The following MECOM variants were observed in gnomAD, a reference collection of about 807,000 sequenced individuals.
The protein encoded by MECOM is histone-lysine N-methyltransferase MECOM.
In MECOM, 13 loss-of-function variants were observed where a neutral mutation model predicts 116.3. The observed-to-expected ratio is 0.11, with a 90% CI of 0.07 to 0.18. The LOEUF (loss-of-function observed/expected upper bound fraction) is 0.18. Ranked by LOEUF, MECOM falls within the 10% of genes least tolerant of loss-of-function variation. The probability of loss-of-function intolerance (pLI) is 1.00; values close to 1 mark genes in which losing one functional copy is unlikely to be tolerated. For synonymous variants in MECOM, 528 were observed against 535.2 expected (o/e 0.99, Z 0.19); for missense variants, 1,299 against 1,509.0 (o/e 0.86, Z 2.31).
intron 2 of MECOM, among the ~76,000 whole-genome samples, chr3:169,335,796 T>A (rs1233735072): frequency 2.0e-5 from 3 of 152,152 alleles, no homozygotes; most frequent in Non-Finnish European, 4.4e-5. Flanking sequence ...TAATTCATGC[T>A]TGCATTTGAT....
chr3:169,112,614 A>G (rs541756069), intron 9 of MECOM, among the ~76,000 whole-genome samples, 173 bp downstream of exon 9: 7 of 152,248 alleles, frequency 4.6e-5, no homozygotes, highest in African/African-American at 1.7e-4. Context: ...TATATTAACT[A>G]ATTTTTCTTT....
chr3:169,267,029 G>A (rs1407708973), intron 2 of MECOM, among the ~76,000 whole-genome samples: 1 of 152,198 alleles, frequency 6.6e-6, no homozygotes, highest in Non-Finnish European at 1.5e-5. Flanking sequence ...CCCCTCAAAG[G>A]GGACTGACTT....
chr3:169,497,806 TTTG>T, intron 1 of MECOM, among the ~76,000 whole-genome samples: 1 of 152,332 alleles, frequency 6.6e-6, no homozygotes, highest in South Asian at 2.1e-4. Context: ...AGTCAATGTG[TTTG>T]TTGAGTGAAT....
chr3:169,186,969 G>A (rs1746864944), intron 2 of MECOM, among the ~76,000 whole-genome samples: 1 of 152,140 alleles, frequency 6.6e-6, no homozygotes. Context: ...GTGCAGTGAT[G>A]ATCAATATTC....
intron 1 of MECOM, among the ~76,000 whole-genome samples, chr3:169,457,897 G>T (rs1274865558): frequency 1.3e-5 from 2 of 152,204 alleles, no homozygotes; most frequent in Non-Finnish European, 2.9e-5. Flanking sequence ...AGGTTTTCAG[G>T]TGTTCCTTTT....
At chr3:169,529,700 T>G (rs555476099) in intron 1 of MECOM, among the ~76,000 whole-genome samples, 18 of 152,302 alleles carry the variant, frequency 1.2e-4, no homozygotes, top group Middle Eastern at 3.4e-3. Flanking sequence ...TCTTTGTTCG[T>G]TTGTTTTAGT....
intron 3 of MECOM, among the ~76,000 whole-genome samples, chr3:169,141,660 T>A (rs558211983): frequency 6.6e-6 from 1 of 152,172 alleles, no homozygotes; most frequent in African/African-American, 2.4e-5. Flanking sequence ...TTATAATATA[T>A]GCATACACTA....
chr3:169,439,049 C>T (rs369204342), intron 1 of MECOM, among the ~76,000 whole-genome samples: 4 of 150,426 alleles, frequency 2.7e-5, no homozygotes, highest in South Asian at 2.1e-4. Context: ...AAAGAAAAGA[C>T]AAGCTAGGAA....
intron 1 of MECOM, among the ~76,000 whole-genome samples, chr3:169,593,403 T>C (rs539413892): frequency 3.8e-4 from 58 of 152,346 alleles, no homozygotes; most frequent in African/African-American, 1.4e-3. Context: ...AGAACGCTGA[T>C]GGAGAAAATT....
chr3:169,651,256 A>G (rs1252559038), intron 1 of MECOM, among the ~76,000 whole-genome samples: 1 of 152,228 alleles, frequency 6.6e-6, no homozygotes, highest in Non-Finnish European at 1.5e-5. Flanking sequence ...CCTTTTCTGC[A>G]TCTATTGAGA....
chr3:169,516,278 A>G (rs1388025710), intron 1 of MECOM, among the ~76,000 whole-genome samples: 1 of 152,226 alleles, frequency 6.6e-6, no homozygotes, highest in African/African-American at 2.4e-5. Context: ...CCACTATTTG[A>G]TAGAAAATAC....
intron 2 of MECOM, among the ~76,000 whole-genome samples, chr3:169,305,762 T>A (rs1717569466): frequency 6.6e-6 from 1 of 152,214 alleles, no homozygotes; most frequent in Admixed American, 6.5e-5. Context: ...ACAGAAGAGT[T>A]TGTTCCTTAT....
rs1729263034 is a variant in MECOM at position 169,116,647 on chromosome 3, C to T, written c.1225G>A (p.Asp409Asn). 1 of 1,614,028 alleles carries T rather than the reference C, an allele frequency of 6.2e-7. No individual in the cohort carries two copies. The highest frequency in any genetic ancestry group is 8.5e-7 in the Non-Finnish European group (1 of 1,180,032). The stretch of plus-strand genomic sequence containing the variant: ...GTAGTGCTGAACATTTGTCCACAGT[C>T]TTTGCACTTGATTTGGGTTCTGCAA... ...ADCRTQIKCK[D>N]CGQMFSTTSS... Residue 409 changes from aspartate (D) to asparagine (N), a missense_variant, in exon 8 of 17, where the codon GAC becomes AAC. Physicochemically the swap from Asp to Asn is conservative, Grantham distance 23. Around this residue, in one of 6 missense-constraint regions of MECOM, gnomAD observed 42 missense variants for 103.9 expected, o/e 0.40. Transcript: ENST00000651503.
intron 2 of MECOM, among the ~76,000 whole-genome samples, chr3:169,321,687 G>C (rs770452758): frequency 6.6e-5 from 10 of 150,394 alleles, no homozygotes; most frequent in Admixed American, 1.3e-4. Flanking sequence ...TGGTTTTGTG[G>C]AGGGAGGGTG....
intron 1 of MECOM, among the ~76,000 whole-genome samples, chr3:169,545,164 G>T (rs1560415206): frequency 1.3e-5 from 2 of 152,136 alleles, no homozygotes; most frequent in Non-Finnish European, 1.5e-5. Context: ...TGTTTTTGTT[G>T]TTTGGGCATT....
At chr3:169,328,858 TA>T (rs558154204) in intron 2 of MECOM, among the ~76,000 whole-genome samples, 9 of 152,302 alleles carry the variant, frequency 5.9e-5, no homozygotes, top group African/African-American at 1.9e-4. Flanking sequence ...TCAGAGCTTC[TA>T]AAATATTTCA....
At chr3:169,258,077 T>G (rs1461624777) in intron 2 of MECOM, among the ~76,000 whole-genome samples, 1 of 152,026 alleles carries the variant, frequency 6.6e-6, no homozygotes, top group African/African-American at 2.4e-5. Flanking sequence ...AAAAATTGGC[T>G]GGGCTGGTGG....
chr3:169,143,291 A>G (rs1738692760), intron 3 of MECOM, among the ~76,000 whole-genome samples: 1 of 152,116 alleles, frequency 6.6e-6, no homozygotes, highest in Non-Finnish European at 1.5e-5. Context: ...ATACATTTCA[A>G]ATAAAACCTA....
At chr3:169,171,311 C>G (rs550893418) in intron 2 of MECOM, among the ~76,000 whole-genome samples, 1 of 152,016 alleles carries the variant, frequency 6.6e-6, no homozygotes, top group Non-Finnish European at 1.5e-5. Flanking sequence ...TAATAAGAAC[C>G]AGTAACTCAA....
Sources: gnomAD v4.1 joint callset for allele counts (sites outside exome capture counted in the v4.1 genomes callset) on GRCh38, gnomAD v4.1.1 for gene constraint, gnomAD v4.1.1 regional missense constraint, MANE v1.5 for transcripts, NCBI Gene and HGNC (gene_info 2026-07-23, HGNC 2026-07-21) for gene names.